The following CACNA2D3 variants were observed in gnomAD, a reference collection of about 807,000 sequenced individuals.
The protein encoded by CACNA2D3 is calcium voltage-gated channel auxiliary subunit alpha2delta 3, also known as voltage-dependent calcium channel subunit alpha-2/delta-3.
CACNA2D3 carries 60 observed loss-of-function variants against 160.6 expected under a neutral mutation model. That is an observed-to-expected ratio of 0.37 (90% CI 0.30 to 0.46). The LOEUF is 0.46. CACNA2D3 is among the 20% of genes least tolerant of loss of function. CACNA2D3 has a pLI of 1.00. For missense variants in CACNA2D3, 1,205 were observed against 1,365.0 expected (o/e 0.88, Z 1.85); for synonymous variants, 558 against 492.9 (o/e 1.13, Z -1.75).
At chr3:54,692,061 C>T (rs1044622009) in intron 11 of CACNA2D3, among the ~76,000 whole-genome samples, 1 of 152,078 alleles carries the variant, frequency 6.6e-6, no homozygotes, top group African/African-American at 2.4e-5. Flanking sequence ...TGCAACCTCG[C>T]CTCCTGGGTT....
chr3:54,527,412 G>A (rs1701742622), intron 5 of CACNA2D3, among the ~76,000 whole-genome samples: 1 of 152,136 alleles, frequency 6.6e-6, no homozygotes, highest in Non-Finnish European at 1.5e-5. Context: ...TGGGGGTGGG[G>A]ACTATGGCAT....
intron 4 of CACNA2D3, among the ~76,000 whole-genome samples, chr3:54,433,290 T>C (rs1700015873): frequency 6.6e-6 from 1 of 152,208 alleles, no homozygotes; most frequent in Non-Finnish European, 1.5e-5. Flanking sequence ...TCTGTTGCCT[T>C]CTTTGTTGAT....
chr3:54,752,884 A>G (rs533709958), intron 12 of CACNA2D3, among the ~76,000 whole-genome samples: 100 of 143,124 alleles, frequency 7.0e-4, no homozygotes, highest in African/African-American at 2.4e-3. Flanking sequence ...TTTTGTGGAC[A>G]GAATCTTGCT....
At chr3:54,923,705 G>A (rs1046758438) in intron 27 of CACNA2D3, among the ~76,000 whole-genome samples, 38 of 152,196 alleles carry the variant, frequency 2.5e-4, no homozygotes, top group Admixed American at 8.5e-4. Context: ...GTGAAGCACT[G>A]TGAAGTGGAG....
At chr3:54,188,513 A>C (rs1005121187) in intron 2 of CACNA2D3, among the ~76,000 whole-genome samples, 6 of 152,140 alleles carry the variant, frequency 3.9e-5, no homozygotes, top group Non-Finnish European at 7.4e-5. Flanking sequence ...CTAGGCTACG[A>C]CACCTCTTGA....
At chr3:54,451,130 G>C in intron 4 of CACNA2D3, among the ~76,000 whole-genome samples, 1 of 150,984 alleles carries the variant, frequency 6.6e-6, no homozygotes, top group Non-Finnish European at 1.5e-5. Flanking sequence ...TCAACCTCTT[G>C]GCCCTGCCTT....
intron 4 of CACNA2D3, among the ~76,000 whole-genome samples, chr3:54,425,044 AAAGAG>A (rs1699892160): frequency 6.6e-6 from 1 of 152,224 alleles, no homozygotes; most frequent in African/African-American, 2.4e-5. Flanking sequence ...TAGAAGTCAG[AAAGAG>A]CTGGGCGCGG....
intron 30 of CACNA2D3, among the ~76,000 whole-genome samples, chr3:54,985,843 T>C (rs1187221208): frequency 1.3e-5 from 2 of 152,100 alleles, no homozygotes; most frequent in Non-Finnish European, 2.9e-5. Context: ...TATGAGAATG[T>C]TGTAGGATTT....
At chr3:54,197,073 T>A (rs1398112994) in intron 2 of CACNA2D3, among the ~76,000 whole-genome samples, 1 of 152,220 alleles carries the variant, frequency 6.6e-6, no homozygotes, top group African/African-American at 2.4e-5. Context: ...CTTCAAGATT[T>A]AAATTTTTTA....
chr3:54,641,969 T>A (rs939712482), intron 10 of CACNA2D3, among the ~76,000 whole-genome samples, 159 bp from the exon 11 acceptor site: 3 of 152,170 alleles, frequency 2.0e-5, no homozygotes, highest in Non-Finnish European at 4.4e-5. Flanking sequence ...AATGTGGTGA[T>A]CTGTGTGGAA....
At chr3:54,451,119 C>A (rs1700298874) in intron 4 of CACNA2D3, among the ~76,000 whole-genome samples, 1 of 151,940 alleles carries the variant, frequency 6.6e-6, no homozygotes, top group Non-Finnish European at 1.5e-5. Flanking sequence ...AGGTGGCAAC[C>A]TCAACCTCTT....
intron 35 of CACNA2D3, among the ~76,000 whole-genome samples, chr3:55,051,862 G>C (rs546176001): frequency 1.3e-5 from 2 of 152,232 alleles, no homozygotes; most frequent in South Asian, 4.1e-4. Flanking sequence ...GGAGTGACCC[G>C]ATTTTCCAGG....
intron 35 of CACNA2D3, among the ~76,000 whole-genome samples, chr3:55,023,151 T>C (rs1471918336): frequency 6.6e-6 from 1 of 152,176 alleles, no homozygotes; most frequent in Non-Finnish European, 1.5e-5. Context: ...TAAAATATTT[T>C]GAAGATATTC....
chr3:54,456,875 G>GT (rs942612810), intron 4 of CACNA2D3, among the ~76,000 whole-genome samples: 1 of 151,768 alleles, frequency 6.6e-6, no homozygotes, highest in African/African-American at 2.4e-5. Context: ...GGGTTTTCCA[G>GT]TTTTTTGGCC....
intron 29 of CACNA2D3, among the ~76,000 whole-genome samples, chr3:54,978,097 T>C (rs1479299877): frequency 6.6e-6 from 1 of 152,004 alleles, no homozygotes; most frequent in Non-Finnish European, 1.5e-5. Context: ...GTTTTGGTGG[T>C]TTTAGCCAGC....
At chr3:54,787,453 A>C (rs116813353) in intron 13 of CACNA2D3, among the ~76,000 whole-genome samples, 1,568 of 152,338 alleles carry the variant, frequency 0.01, 22 homozygotes, top group African/African-American at 0.034. Context: ...CTAGGGGAGA[A>C]AGGAAACTTT....
chr3:54,958,626 T>C (rs962110964), intron 27 of CACNA2D3, among the ~76,000 whole-genome samples: 10 of 152,184 alleles, frequency 6.6e-5, no homozygotes, highest in African/African-American at 2.4e-4. Context: ...CTGGAACTAA[T>C]AGCAAAGTCA....
intron 27 of CACNA2D3, among the ~76,000 whole-genome samples, chr3:54,900,973 C>G (rs1001381004): frequency 3.3e-5 from 5 of 152,266 alleles, no homozygotes; most frequent in African/African-American, 4.8e-5. Flanking sequence ...TGTATCTGAC[C>G]TGTGGCTCAT....
intron 13 of CACNA2D3, among the ~76,000 whole-genome samples, chr3:54,795,427 T>TTCTA (rs10653518): frequency 0.29 from 44,331 of 151,878 alleles, 6,833 homozygotes; most frequent in African/African-American, 0.39. Context: ...ATTTTCCCAT[T>TTCTA]TATATAGTAA....
Sources: allele counts gnomAD v4.1 joint callset (sites outside exome capture counted in the v4.1 genomes callset), GRCh38; gene constraint gnomAD v4.1.1; transcripts MANE v1.5; gene names NCBI Gene and HGNC (gene_info 2026-07-23, HGNC 2026-07-21).